NUDCD3: variants seen among roughly 807,000 people sequenced by gnomAD.
The protein encoded by NUDCD3 is NudC domain containing 3.
NUDCD3 carries 13 observed loss-of-function variants against 39.7 expected under a neutral mutation model. The observed-to-expected ratio is 0.33, with a 90% CI of 0.21 to 0.52. The LOEUF (loss-of-function observed/expected upper bound fraction) is 0.52, where lower values mean the gene tolerates loss of function less well. NUDCD3 is among the 20% of genes least tolerant of loss of function. NUDCD3 has a pLI of 0.96. For synonymous variants in NUDCD3, 175 were observed against 172.4 expected (o/e 1.02, Z -0.12); for missense variants, 453 against 458.1 (o/e 0.99, Z 0.10).
chr7:44,484,914 C>T, intron 2 of NUDCD3, 54 bp downstream of exon 2: 2 of 1,338,936 alleles, frequency 1.5e-6, no homozygotes, highest in African/African-American at 1.5e-5. Flanking sequence ...TGGAGAAACC[C>T]AAACACCAGA....
chr7:44,459,324 G>C (rs1479153506), intron 2 of NUDCD3, among the ~76,000 whole-genome samples: 1 of 151,476 alleles, frequency 6.6e-6, no homozygotes, highest in African/African-American at 2.4e-5. Flanking sequence ...TCGGCCCCCT[G>C]AATAGCTGGG....
intron 3 of NUDCD3, among the ~76,000 whole-genome samples, chr7:44,404,968 G>A (rs921993973): frequency 1.3e-5 from 2 of 152,110 alleles, no homozygotes; most frequent in African/African-American, 4.8e-5. Context: ...GGAGACGCAG[G>A]AGCCCAGCCC....
chr7:44,422,876 G>A (rs894034968), intron 3 of NUDCD3, among the ~76,000 whole-genome samples: 20 of 152,246 alleles, frequency 1.3e-4, no homozygotes, highest in African/African-American at 2.6e-4. Context: ...CCTGATGAAC[G>A]TCGATGTGAA....
chr7:44,386,121 T>C lies in NUDCD3; in HGVS notation c.976A>G (p.Lys326Glu). 6.2e-7 allele frequency: 1 copy of C among 1,614,134 alleles called. No homozygotes were observed. The highest frequency in any genetic ancestry group is 1.1e-5 in the South Asian group (1 of 91,072). The stretch of plus-strand genomic sequence containing the variant: ...CCCTTCTTCAGCATCTCATGGACTT[T>C]CTACAAACAGAAAATAGAGAGATTA... ...LQGKPQSHEL[K>E]VHEMLKKGWD... Residue 326 changes from lysine to glutamate, a missense_variant and splice_region_variant, in exon 6 of 6, where the codon AAA becomes GAA. Lys to Glu is a moderately conservative substitution (Grantham distance 56). Coordinates refer to ENST00000355451, the MANE Select transcript of NUDCD3 (RefSeq NM_015332.4).
chr7:44,387,485 T>C (rs1798420575), intron 5 of NUDCD3, among the ~76,000 whole-genome samples: 2 of 152,220 alleles, frequency 1.3e-5, no homozygotes, highest in Non-Finnish European at 1.5e-5. Context: ...GCAGCTCACA[T>C]GGAGTGGCTG....
intron 4 of NUDCD3, among the ~76,000 whole-genome samples, chr7:44,404,138 C>A (rs150857860): frequency 1.8e-3 from 272 of 152,262 alleles, no homozygotes; most frequent in African/African-American, 5.7e-3. Flanking sequence ...AACTCTGTAC[C>A]CTCCAGAGTA....
intron 2 of NUDCD3, among the ~76,000 whole-genome samples, chr7:44,453,956 C>T (rs1169410933): frequency 6.6e-6 from 1 of 151,960 alleles, no homozygotes; most frequent in East Asian, 1.9e-4. Context: ...GATGGGAGGA[C>T]GGCTTGAGCC....
At position 44,392,334 on chromosome 7, in the gene NUDCD3, T is replaced by C; in HGVS notation, c.938A>G (p.His313Arg). Reference protein sequence around the residue: ...AVLDRLTFDYHQKLQGKPQSH... With the variant: ...AVLDRLTFDYRQKLQGKPQSH... ...CTGTGGCTTGCCCTGCAGCTTCTGGTGGTAGTCAAAGGTAAGCCTGTCCAA... is the reference window on the plus strand; with the variant it reads ...CTGTGGCTTGCCCTGCAGCTTCTGGCGGTAGTCAAAGGTAAGCCTGTCCAA... The change falls in exon 5 of 6, where the codon CAC (histidine) becomes CGC (arginine). Residue 313 changes from histidine (H) to arginine (R), a missense_variant. Physicochemically the swap from His to Arg is conservative, Grantham distance 29 (BLOSUM62 0). Coordinates refer to ENST00000355451, the MANE Select transcript of NUDCD3 (RefSeq NM_015332.4). 1 of 1,613,888 alleles carries C rather than the reference T, an allele frequency of 6.2e-7. No homozygotes were observed. The highest frequency in any genetic ancestry group is 8.5e-7 in the Non-Finnish European group (1 of 1,179,888).
At chr7:44,426,002 G>A (rs1799227421) in intron 3 of NUDCD3, 1 of 356,592 alleles carries the variant, frequency 2.8e-6, no homozygotes, top group South Asian at 1.1e-4. Context: ...TGGCGCAATC[G>A]GTTAGCATGC....
At chr7:44,403,631 C>T (rs1798763599) in intron 4 of NUDCD3, among the ~76,000 whole-genome samples, 1 of 152,194 alleles carries the variant, frequency 6.6e-6, no homozygotes, top group Non-Finnish European at 1.5e-5. Flanking sequence ...CAGCACTGGC[C>T]AGGGAAGCCC....
At chr7:44,475,171 G>A (rs1800339618) in intron 2 of NUDCD3, among the ~76,000 whole-genome samples, 1 of 150,870 alleles carries the variant, frequency 6.6e-6, no homozygotes, top group South Asian at 2.1e-4. Context: ...GAGTGCAGTG[G>A]CATGATCTCA....
rs1022385094 is a variant in NUDCD3, at chr7:44,382,104, CCT to C, written c.*3905_*3906del. 4.6e-5 allele frequency: 7 copies of C among 152,100 alleles called. No individual in the cohort carries two copies. Among genetic ancestry groups the C allele is most frequent in the African/African-American group, 1.2e-4 (5 of 41,382 alleles). 9.4% of individuals were successfully genotyped at this position (152,100 alleles called of 1,614,324 possible). ...TGGGATTGAAAACCCCTACCAGACC[CCT>C]GTCACACCAAGGAGCCCAGCGATGG... On this transcript the variant is annotated 3_prime_UTR_variant, in exon 6 of 6. Coordinates refer to ENST00000355451, the MANE Select transcript of NUDCD3 (RefSeq NM_015332.4).
At chr7:44,461,196 G>T (rs1159900554) in intron 2 of NUDCD3, among the ~76,000 whole-genome samples, 2 of 152,166 alleles carry the variant, frequency 1.3e-5, no homozygotes, top group East Asian at 1.9e-4. Context: ...GCCAGCACAG[G>T]CATCACCTTC....
At chr7:44,401,872 GC>G (rs1302108871) in intron 4 of NUDCD3, among the ~76,000 whole-genome samples, 1 of 152,182 alleles carries the variant, frequency 6.6e-6, no homozygotes. Context: ...GGCCCCGGGG[GC>G]CCTGGCATGA....
chr7:44,475,930 T>C, intron 2 of NUDCD3, among the ~76,000 whole-genome samples: 1 of 152,212 alleles, frequency 6.6e-6, no homozygotes, highest in East Asian at 1.9e-4. Context: ...GAAAAGCTTT[T>C]TCTTTTTTAA....
At position 44,382,207 on chromosome 7, in the gene NUDCD3, G is replaced by A. The variant is rs1395106381; in HGVS notation, c.*3804C>T. On this transcript the variant is annotated 3_prime_UTR_variant, in exon 6 of 6. Coordinates refer to ENST00000355451, the MANE Select transcript of NUDCD3 (RefSeq NM_015332.4). ...TACTAAAAAATAAAACCGAGTGGGA[G>A]GAAGGTGAGGACTGAAAAACTACAT... The A allele has an allele frequency of 4.6e-5, 7 of 152,240 alleles. No individual in the cohort carries two copies. In the South Asian group the frequency reaches 8.3e-4, roughly 18 times the overall value. The allele number at this position is 152,240 out of a possible 1,614,324, so 9.4% of individuals were successfully genotyped here. A position where few individuals can be genotyped will look rare whatever the true frequency, so the allele number is the denominator to read the frequency against.
At chr7:44,417,900 G>C (rs1354655389) in intron 3 of NUDCD3, among the ~76,000 whole-genome samples, 6 of 152,150 alleles carry the variant, frequency 3.9e-5, no homozygotes, top group African/African-American at 1.4e-4. Flanking sequence ...ATGTGGGGTG[G>C]GAAGAAGGGA....
At chr7:44,412,008 C>T (rs1798935975) in intron 3 of NUDCD3, among the ~76,000 whole-genome samples, 1 of 152,238 alleles carries the variant, frequency 6.6e-6, no homozygotes, top group South Asian at 2.1e-4. Context: ...ATTGAGACCA[C>T]CTTAGATACA....
At chr7:44,413,263 C>G (rs1306400052) in intron 3 of NUDCD3, 1 of 151,884 alleles carries the variant, frequency 6.6e-6, no homozygotes, top group Non-Finnish European at 1.5e-5. Context: ...CCAGCCTGAA[C>G]AACACAGGGA....
Sources: gnomAD v4.1 joint callset for allele counts (sites outside exome capture counted in the v4.1 genomes callset) on GRCh38, gnomAD v4.1.1 for gene constraint, MANE v1.5 for transcripts, NCBI Gene and HGNC (gene_info 2026-07-23, HGNC 2026-07-21) for gene names.